The following ADGRB3 variants were observed in gnomAD, a reference collection of about 807,000 sequenced individuals.
The protein encoded by ADGRB3 is brain-specific angiogenesis inhibitor 3.
A neutral mutation model predicts 193.4 loss-of-function variants in ADGRB3; 37 were observed. The ratio of observed to expected loss-of-function variants is 0.19; its 90% CI spans 0.15 to 0.25. The LOEUF is 0.25. ADGRB3 is among the 10% of genes least tolerant of loss of function. The pLI is 1.00. For missense variants in ADGRB3, 1,637 were observed against 1,852.9 expected, an observed-to-expected ratio of 0.88 and a Z score of 2.14; for synonymous variants, 690 against 644.2, an observed-to-expected ratio of 1.07 and a Z score of -1.08.
chr6:68,871,705 A>G (rs1415239054), intron 3 of ADGRB3, among the ~76,000 whole-genome samples: 3 of 152,136 alleles, frequency 2.0e-5, no homozygotes, highest in Non-Finnish European at 4.4e-5. Flanking sequence ...TAAGAGAGTT[A>G]TTCACTTGCA....
chr6:68,654,725 C>T (rs1361134642), intron 3 of ADGRB3, among the ~76,000 whole-genome samples: 2 of 151,740 alleles, frequency 1.3e-5, no homozygotes, highest in Admixed American at 1.3e-4. Flanking sequence ...AATTTACTAA[C>T]TAAATATTTA....
At chr6:69,100,699 T>C (rs1156968302) in intron 17 of ADGRB3, among the ~76,000 whole-genome samples, 2 of 151,372 alleles carry the variant, frequency 1.3e-5, no homozygotes, top group African/African-American at 4.9e-5. Flanking sequence ...AAAATATGTA[T>C]AATAATTCCA....
At chr6:69,165,825 C>A (rs1179818175) in intron 17 of ADGRB3, among the ~76,000 whole-genome samples, 5 of 151,986 alleles carry the variant, frequency 3.3e-5, no homozygotes, top group Non-Finnish European at 5.9e-5. Flanking sequence ...TAATTTAAAT[C>A]TCACAAATAC....
intron 8 of ADGRB3, among the ~76,000 whole-genome samples, chr6:68,964,265 A>C (rs1230060494): frequency 6.6e-6 from 1 of 152,110 alleles, no homozygotes; most frequent in African/African-American, 2.4e-5. Flanking sequence ...GTTTCCCCAA[A>C]TCTCAGCCCA....
intron 20 of ADGRB3, among the ~76,000 whole-genome samples, chr6:69,310,004 C>G (rs1768150206): frequency 6.6e-6 from 1 of 151,666 alleles, no homozygotes; most frequent in African/African-American, 2.4e-5. Context: ...GCCCAGATCT[C>G]TCCTTCTTCC....
chr6:69,107,097 T>A (rs1296369442), intron 17 of ADGRB3, among the ~76,000 whole-genome samples: 4 of 152,208 alleles, frequency 2.6e-5, no homozygotes, highest in Non-Finnish European at 4.4e-5. Context: ...AAAGTCTAAG[T>A]AAATCTGTGA....
At chr6:69,307,932 G>T (rs1162686702) in intron 20 of ADGRB3, among the ~76,000 whole-genome samples, 1 of 151,440 alleles carries the variant, frequency 6.6e-6, no homozygotes, top group Non-Finnish European at 1.5e-5. Context: ...AAACTCAAGA[G>T]TAAATTCTGG....
At chr6:68,706,446 TG>T (rs1208879083) in intron 3 of ADGRB3, among the ~76,000 whole-genome samples, 1 of 152,184 alleles carries the variant, frequency 6.6e-6, no homozygotes, top group Non-Finnish European at 1.5e-5. Context: ...TTACGAATAA[TG>T]GAGGTGACCG....
intron 3 of ADGRB3, among the ~76,000 whole-genome samples, chr6:68,664,078 G>A (rs963384779): frequency 5.9e-5 from 9 of 151,670 alleles, no homozygotes; most frequent in South Asian, 4.1e-4. Context: ...GATATTTGTC[G>A]TTTTTAAAAT....
intron 16 of ADGRB3, among the ~76,000 whole-genome samples, chr6:69,065,760 T>TACACACACAC (rs1485700358): frequency 0.066 from 7,635 of 115,940 alleles, 310 homozygotes; most frequent in East Asian, 0.25. Context: ...TTCATGTATA[T>TACACACACAC]ATATACACAC....
chr6:68,928,261 C>T (rs1767238979), intron 3 of ADGRB3, among the ~76,000 whole-genome samples: 1 of 152,114 alleles, frequency 6.6e-6, no homozygotes, highest in Non-Finnish European at 1.5e-5. Context: ...CATGGTGGCT[C>T]CTACCTGCAA....
chr6:69,103,637 T>C (rs531311322), intron 17 of ADGRB3, among the ~76,000 whole-genome samples: 422 of 152,104 alleles, frequency 2.8e-3, no homozygotes, highest in Non-Finnish European at 4.4e-3. Flanking sequence ...GGCTTTTATC[T>C]TTAATTTTAT....
chr6:69,375,449 G>C (rs1248969934), intron 30 of ADGRB3, among the ~76,000 whole-genome samples: 2 of 152,050 alleles, frequency 1.3e-5, no homozygotes, highest in Non-Finnish European at 2.9e-5. Context: ...ACTGAACATA[G>C]GGTGAAAGGG....
chr6:69,240,960 G>GT (rs373466246), intron 20 of ADGRB3, among the ~76,000 whole-genome samples: 1 of 151,978 alleles, frequency 6.6e-6, no homozygotes, highest in Non-Finnish European at 1.5e-5. Context: ...CAGAGTTTAA[G>GT]TTTTTTTCAC....
intron 3 of ADGRB3, among the ~76,000 whole-genome samples, chr6:68,795,376 T>C (rs1244406904): frequency 1.3e-5 from 2 of 152,104 alleles, no homozygotes; most frequent in Non-Finnish European, 2.9e-5. Flanking sequence ...ATATGTATTA[T>C]AGAAAAGCAC....
intron 1 of ADGRB3, among the ~76,000 whole-genome samples, chr6:68,636,675 C>G (rs1421829887): frequency 6.6e-6 from 1 of 152,134 alleles, no homozygotes; most frequent in Non-Finnish European, 1.5e-5. Flanking sequence ...TGAGTGCGCT[C>G]TCTTGAGCAG....
intron 25 of ADGRB3, 138 bp downstream of exon 25, chr6:69,339,152 T>C: frequency 9.0e-7 from 1 of 1,106,822 alleles, no homozygotes; most frequent in Non-Finnish European, 1.3e-6. Flanking sequence ...GCAACTGTCT[T>C]TATAGCTATT....
intron 20 of ADGRB3, among the ~76,000 whole-genome samples, chr6:69,286,334 C>T (rs1195478555): frequency 6.6e-6 from 1 of 152,150 alleles, no homozygotes; most frequent in East Asian, 1.9e-4. Context: ...CTTTAATATT[C>T]TCCTTTCCAA....
At chr6:68,809,181 C>G (rs1767464625) in intron 3 of ADGRB3, among the ~76,000 whole-genome samples, 1 of 152,128 alleles carries the variant, frequency 6.6e-6, no homozygotes, top group South Asian at 2.1e-4. Context: ...CATTGGAAAG[C>G]AAAACCTGCA....
Sources: gnomAD v4.1 joint callset for allele counts (sites outside exome capture counted in the v4.1 genomes callset) on GRCh38, gnomAD v4.1.1 for gene constraint, MANE v1.5 for transcripts, NCBI Gene and HGNC (gene_info 2026-07-23, HGNC 2026-07-21) for gene names.